The following CDH7 variants were observed in gnomAD, a reference collection of about 807,000 sequenced individuals.
CDH7 encodes cadherin-7.
In CDH7, 25 loss-of-function variants were observed where a neutral mutation model predicts 71.8. The ratio of observed to expected loss-of-function variants is 0.35; its 90% confidence interval spans 0.25 to 0.49. The LOEUF is 0.49. Among genes scored for constraint, CDH7 ranks in the 20% least tolerant of loss-of-function variants. The pLI, the probability that CDH7 is intolerant of heterozygous loss-of-function variation, is 0.99. For synonymous variants in CDH7, 381 were observed against 363.8 expected (o/e 1.05, Z -0.54); for missense variants, 862 against 974.6 (o/e 0.88, Z 1.54).
Position 65,781,886 on chromosome 18 carries a change from C to CTT in CDH7, c.210+18835_210+18836insTT, listed in dbSNP as rs1243432888. Among the ~76,000 whole-genome samples, 40 of 105,322 alleles carry CTT rather than the reference C, an allele frequency of 3.8e-4. 1 individual carries two copies. The highest frequency in any genetic ancestry group is 1.1e-3 in the African/African-American group (24 of 22,296). 69.1% of individuals were successfully genotyped at this position (105,322 alleles called of 152,430 possible). On this transcript the variant is annotated intron_variant, in intron 2 of 11. Transcript: ENST00000397968. ...TCTTTCTCTCTCTCTCTCTGTCTCT[C>CTT]TCTCTCTTTCTCTCTATCTTTCTCT...
chr18:65,788,724 A>AT (rs2143851632), intron 2 of CDH7, among the ~76,000 whole-genome samples: 1 of 152,278 alleles, frequency 6.6e-6, no homozygotes, highest in African/African-American at 2.4e-5. Context: ...AGTGAATGCT[A>AT]TTTTTATATA....
chr18:65,771,282 G>T (rs773898669), intron 2 of CDH7, among the ~76,000 whole-genome samples: 3 of 152,014 alleles, frequency 2.0e-5, no homozygotes, highest in Non-Finnish European at 2.9e-5. Flanking sequence ...ACAAGTAATT[G>T]TTGACAATAA....
At chr18:65,789,261 G>T (rs1910620689) in intron 2 of CDH7, among the ~76,000 whole-genome samples, 1 of 152,116 alleles carries the variant, frequency 6.6e-6, no homozygotes, top group Admixed American at 6.6e-5. Flanking sequence ...TGAAGGATGA[G>T]AAAGTGACTC....
chr18:65,791,475 G>C (rs529141239), intron 2 of CDH7, among the ~76,000 whole-genome samples: 23 of 152,270 alleles, frequency 1.5e-4, no homozygotes, highest in South Asian at 8.3e-4. Flanking sequence ...GTTATCACTA[G>C]TTCATTTGTA....
At chr18:65,820,904 G>A (rs1460178433) in intron 4 of CDH7, among the ~76,000 whole-genome samples, 2 of 151,940 alleles carry the variant, frequency 1.3e-5, no homozygotes, top group African/African-American at 2.4e-5. Context: ...GTGCACAGAT[G>A]ATAACACACA....
chr18:65,773,743 G>A (rs1448314537), intron 2 of CDH7, among the ~76,000 whole-genome samples: 1 of 152,094 alleles, frequency 6.6e-6, no homozygotes, highest in Non-Finnish European at 1.5e-5. Flanking sequence ...AATGAGGAAA[G>A]GGATTGTGTC....
rs146149239 is a variant in CDH7 at position 65,793,233 on chromosome 18, C to T, written c.211-16471C>T. 3.6e-4 allele frequency among the ~76,000 whole-genome samples: 54 copies of T among 152,090 alleles called. No homozygotes were observed. The East Asian group carries it at 4.8e-3, about 14-fold the overall frequency. Reference sequence around the variant, plus strand: ...GGTGGCCAGACCACTTGAGCTCAAACGTTTGAGACCAGCCTGGGGCGAAAC... The same window carrying T: ...GGTGGCCAGACCACTTGAGCTCAAATGTTTGAGACCAGCCTGGGGCGAAAC... On this transcript the variant is annotated intron_variant, in intron 2 of 11. Transcript: ENST00000397968.
intron 1 of CDH7, among the ~76,000 whole-genome samples, chr18:65,757,376 A>G (rs1415023299): frequency 3.3e-5 from 5 of 151,936 alleles, no homozygotes; most frequent in Admixed American, 6.6e-5. Flanking sequence ...AGGGATTTTT[A>G]CCTCTTGTTT....
intron 11 of CDH7, among the ~76,000 whole-genome samples, chr18:65,868,067 A>G (rs961621305): frequency 1.5e-5 from 1 of 64,918 alleles, no homozygotes; most frequent in Non-Finnish European, 3.3e-5. Flanking sequence ...ATTGTGGAGA[A>G]AAAAAGTGGC....
chr18:65,767,857 C>A (rs1916423752), intron 2 of CDH7, among the ~76,000 whole-genome samples: 1 of 151,994 alleles, frequency 6.6e-6, no homozygotes, highest in Non-Finnish European at 1.5e-5. Context: ...TTTTTCTTAC[C>A]ATTTTGTAAA....
chr18:65,880,451 A>C lies in CDH7; in HGVS notation c.1915A>C (p.Ile639Leu), dbSNP rs1447174463. ...GAGAAGACGGAAAAAAGAGCCCCTT[A>C]TTTTTGACGAAGAAAGAGACATCAG... The part of the protein sequence containing the change: ...TMRRRKKEPL[I>L]FDEERDIREN... Residue 639 changes from isoleucine (I) to leucine (L), a missense_variant, in exon 12 of 12, where the codon ATT (isoleucine) becomes CTT (leucine). Coordinates refer to ENST00000397968, the MANE Select transcript of CDH7 (RefSeq NM_004361.5). The C allele has an allele frequency of 1.9e-6, 3 of 1,575,246 alleles. No homozygotes were observed. Among genetic ancestry groups the C allele is most frequent in the Non-Finnish European group, 2.6e-6 (3 of 1,167,000 alleles).
At chr18:65,828,612 T>C (rs1042722442) in intron 6 of CDH7, among the ~76,000 whole-genome samples, 1 of 152,086 alleles carries the variant, frequency 6.6e-6, no homozygotes, top group African/African-American at 2.4e-5. Flanking sequence ...AGTAGGATAT[T>C]AGTAGTTAAG....
rs1006350719 is a variant in CDH7 at position 65,888,811 on chromosome 18, G to A, written c.*7917G>A. 4.6e-5 allele frequency: 7 copies of A among 151,266 alleles called. No homozygotes were observed. Among genetic ancestry groups the A allele is most frequent in the Non-Finnish European group, 7.4e-5 (5 of 67,772 alleles). The allele number at this position is 151,266 out of a possible 1,614,324, so 9.4% of individuals were successfully genotyped here. Reference sequence around the variant, plus strand: ...GGTAGAAATGAAAGAAGAAGAAGAAGAAAAAAACATTGGGACATTTTGCCC... The same window carrying A: ...GGTAGAAATGAAAGAAGAAGAAGAAAAAAAAAACATTGGGACATTTTGCCC... On this transcript the variant is annotated 3_prime_UTR_variant, in exon 12 of 12. Coordinates refer to ENST00000397968, the MANE Select transcript of CDH7 (RefSeq NM_004361.5).
chr18:65,786,950 A>G (rs530758570), intron 2 of CDH7, among the ~76,000 whole-genome samples: 2 of 152,020 alleles, frequency 1.3e-5, no homozygotes, highest in Admixed American at 6.6e-5. Flanking sequence ...CAGCCCCCCA[A>G]TAGCTGGGAT....
At chr18:65,872,818 C>G (rs936884952) in intron 11 of CDH7, among the ~76,000 whole-genome samples, 4 of 151,876 alleles carry the variant, frequency 2.6e-5, no homozygotes, top group Non-Finnish European at 1.5e-5. Context: ...TTGCTTGAGC[C>G]TAGGAGTTTG....
chr18:65,887,821 T>TC lies in CDH7; in HGVS notation c.*6928dup, dbSNP rs1914410824. ...TTAGTAGAGATTTCAGAATTTTTTT[T>TC]CTCAAATTTAGAGGAACGAACAATT... On this transcript the variant is annotated 3_prime_UTR_variant, in exon 12 of 12. Coordinates refer to ENST00000397968, the MANE Select transcript of CDH7 (RefSeq NM_004361.5). 1 of 152,188 alleles carries TC rather than the reference T, an allele frequency of 6.6e-6. No individual in the cohort carries two copies. The highest frequency in any genetic ancestry group is 1.5e-5 in the Non-Finnish European group (1 of 68,030). The allele number at this position is 152,188 out of a possible 1,614,324, so 9.4% of individuals were successfully genotyped here. A position where few individuals can be genotyped will look rare whatever the true frequency, so the allele number is the denominator to read the frequency against.
At chr18:65,775,488 A>G (rs948345427) in intron 2 of CDH7, among the ~76,000 whole-genome samples, 2 of 152,192 alleles carry the variant, frequency 1.3e-5, no homozygotes, top group Non-Finnish European at 2.9e-5. Context: ...TTCAATTGCT[A>G]CTTTCTATAA....
intron 3 of CDH7, among the ~76,000 whole-genome samples, chr18:65,811,983 T>TTTTTTG (rs1568198610): frequency 2.1e-5 from 3 of 144,994 alleles, no homozygotes; most frequent in African/African-American, 5.1e-5. Context: ...TTTTTTTTTT[T>TTTTTTG]TTGCGAGATG....
chr18:65,803,867 A>T (rs1911214084), intron 2 of CDH7: 1 of 151,470 alleles, frequency 6.6e-6, no homozygotes, highest in African/African-American at 2.4e-5. Flanking sequence ...TTAAAAAAAA[A>T]AAAAGAACAC....
Sources: gnomAD v4.1 joint callset for allele counts (sites outside exome capture counted in the v4.1 genomes callset) on GRCh38, gnomAD v4.1.1 for gene constraint, MANE v1.5 for transcripts, NCBI Gene and HGNC (gene_info 2026-07-23, HGNC 2026-07-21) for gene names.